CACNA1I: variants seen among roughly 807,000 people sequenced by gnomAD.
The protein encoded by CACNA1I is voltage-dependent T-type calcium channel subunit alpha-1I.
In CACNA1I, 74 loss-of-function variants were observed where a neutral mutation model predicts 201.6. The ratio of observed to expected loss-of-function variants is 0.37; its 90% CI spans 0.30 to 0.45. The LOEUF is 0.45. CACNA1I is among the 20% of genes least tolerant of loss of function. The pLI is 1.00. For missense variants in CACNA1I, 2,346 were observed against 3,138.1 expected (o/e 0.75, Z 6.03); for synonymous variants, 1,431 against 1,345.2 (o/e 1.06, Z -1.40).
intron 34 of CACNA1I, among the ~76,000 whole-genome samples, chr22:39,682,132 C>T (rs1339182148): frequency 6.6e-6 from 1 of 152,154 alleles, no homozygotes; most frequent in Non-Finnish European, 1.5e-5. Flanking sequence ...GCGTTACTCT[C>T]CTTGGATGCA....
chr22:39,620,638 A>G (rs1237774044), intron 4 of CACNA1I, among the ~76,000 whole-genome samples: 1 of 152,230 alleles, frequency 6.6e-6, no homozygotes, highest in Non-Finnish European at 1.5e-5. Context: ...GGAGTCAGTT[A>G]GGTCTTCTGA....
At chr22:39,679,931 C>T (rs1306014171) in intron 33 of CACNA1I, 63 bp downstream of exon 33, 39 of 1,520,932 alleles carry the variant, frequency 2.6e-5, no homozygotes, top group Non-Finnish European at 3.4e-5. Flanking sequence ...TGGTGGGGGG[C>T]CTGTCCGAGG....
chr22:39,594,524 T>G (rs1601802255), intron 1 of CACNA1I, among the ~76,000 whole-genome samples: 2 of 147,986 alleles, frequency 1.4e-5, no homozygotes, highest in African/African-American at 2.5e-5. Context: ...GGCGGGAGAG[T>G]GGCAGTGGGG....
chr22:39,595,665 G>A (rs377485479), intron 1 of CACNA1I, among the ~76,000 whole-genome samples: 19 of 151,866 alleles, frequency 1.3e-4, no homozygotes, highest in East Asian at 1.2e-3. Context: ...GATAATCAAA[G>A]TTATATGAAT....
At position 39,665,706 on chromosome 22, in the gene CACNA1I, A is replaced by C; in HGVS notation, c.3978+82A>C. 6.4e-7 allele frequency: 1 copy of C among 1,568,548 alleles called. No homozygotes were observed. The highest frequency in any genetic ancestry group is 8.7e-7 in the Non-Finnish European group (1 of 1,148,460). On this transcript the variant is annotated intron_variant, in intron 22 of 36. Transcript: ENST00000402142. The surrounding 1 kb of genome is among the most constrained non-coding windows in gnomAD (Gnocchi z 5.5). Reference sequence around the variant, plus strand: ...CTCAGACAGCCAGGGGAGAGACTCCACATTCCAACCTCATGCGCCTTGCCA... The same window carrying C: ...CTCAGACAGCCAGGGGAGAGACTCCCCATTCCAACCTCATGCGCCTTGCCA...
At chr22:39,613,898 C>T (rs939796948) in intron 3 of CACNA1I, among the ~76,000 whole-genome samples, 5 of 151,914 alleles carry the variant, frequency 3.3e-5, no homozygotes, top group East Asian at 1.9e-4. Context: ...AGTGCAGTGG[C>T]GCAATCTCAG....
chr22:39,658,351 T>C (rs370034787), intron 11 of CACNA1I, 48 bp downstream of exon 11: 40 of 1,577,472 alleles, frequency 2.5e-5, no homozygotes, highest in Non-Finnish European at 3.4e-5. Flanking sequence ...CGGGGGGACA[T>C]TTACTGCAAA....
At chr22:39,670,758 C>A in intron 25 of CACNA1I, 45 bp from the exon 26 acceptor site, 1 of 1,607,502 alleles carries the variant, frequency 6.2e-7, no homozygotes. Context: ...TTCCCTTGAC[C>A]CCAACCCTCT....
chr22:39,612,677 A>G (rs977252938), intron 3 of CACNA1I, among the ~76,000 whole-genome samples: 2 of 152,156 alleles, frequency 1.3e-5, no homozygotes, highest in Non-Finnish European at 2.9e-5. Flanking sequence ...AGGCCCTAAT[A>G]CCATCACCTT....
intron 4 of CACNA1I, among the ~76,000 whole-genome samples, chr22:39,634,074 A>G (rs1348628668): frequency 6.6e-6 from 1 of 152,200 alleles, no homozygotes; most frequent in African/African-American, 2.4e-5. Context: ...GGCCTCTGGG[A>G]CAAGGGGGTT....
chr22:39,587,389 G>C (rs986549855), intron 1 of CACNA1I, among the ~76,000 whole-genome samples: 1 of 152,180 alleles, frequency 6.6e-6, no homozygotes, highest in Non-Finnish European at 1.5e-5. Flanking sequence ...TAAGCGGAGG[G>C]AGGCCTGGGA....
chr22:39,664,989 A>T, intron 21 of CACNA1I, 66 bp downstream of exon 21: 1 of 1,491,882 alleles, frequency 6.7e-7, no homozygotes, highest in Non-Finnish European at 9.2e-7. Flanking sequence ...CACGGGTCGA[A>T]TTGGGCCCTC....
chr22:39,624,969 C>A (rs1290995851), intron 4 of CACNA1I, among the ~76,000 whole-genome samples: 2 of 142,178 alleles, frequency 1.4e-5, no homozygotes, highest in Non-Finnish European at 3.0e-5. Flanking sequence ...AGTGCAGTGG[C>A]ATGATCTTGG....
Position 39,662,778 on chromosome 22 carries a change from C to G in CACNA1I, c.3375C>G (p.Thr1125=). 6.3e-7 allele frequency: 1 copy of G among 1,578,792 alleles called. No homozygotes were observed. Residue 1125 remains threonine, a splice_region_variant and synonymous_variant, in exon 18 of 37, where the codon ACC becomes ACG. Transcript: ENST00000402142. ...GCGCTCCGTCCTCCTCTTGCTAGAC[C>G]CTGTGCTTCCGCGTCCGCAAGATGA... The part of the protein sequence containing the change: ...RGEDEEEIDY[T]LCFRVRKMID...
In CACNA1I at chr22:39,686,005, G is replaced by C; in HGVS notation, c.6272G>C (p.Gly2091Ala). The change falls in exon 37 of 37, where the codon GGC becomes GCC. Residue 2091 changes from glycine (G) to alanine (A), a missense_variant. Gly to Ala is a moderately conservative substitution (Grantham distance 60, BLOSUM62 0). Transcript: ENST00000402142. ...RAHQRSHSSG[G>A]STSPGCTHHD... ...CATCAGCGCAGCCACAGCAGCGGGGGCTCCACCAGCCCGGGCTGCACCCAC... is the reference window on the plus strand; with the variant it reads ...CATCAGCGCAGCCACAGCAGCGGGGCCTCCACCAGCCCGGGCTGCACCCAC... The C allele has an allele frequency of 1.6e-6, 2 of 1,244,592 alleles. No homozygotes were observed. The highest frequency in any genetic ancestry group is 2.0e-6 in the Non-Finnish European group (2 of 999,286). The allele number at this position is 1,244,592 out of a possible 1,614,324, so 77.1% of individuals were successfully genotyped here.
At chr22:39,616,340 C>G (rs1933535611) in intron 3 of CACNA1I, among the ~76,000 whole-genome samples, 1 of 152,154 alleles carries the variant, frequency 6.6e-6, no homozygotes, top group African/African-American at 2.4e-5. Context: ...GTGTTCAGAT[C>G]CTAAAGTTAC....
At chr22:39,661,340 C>T (rs376490928) in intron 16 of CACNA1I, 30 bp downstream of exon 16, 62 of 1,493,616 alleles carry the variant, frequency 4.2e-5, no homozygotes, top group Middle Eastern at 4.1e-4. Context: ...TCTGGACGGG[C>T]GCTTCCTGCT....
Position 39,673,098 on chromosome 22 carries a change from TG to T in CACNA1I, c.4783+19del. 1 of 1,426,636 alleles carries T rather than the reference TG, an allele frequency of 7.0e-7. No individual in the cohort carries two copies. The allele number at this position is 1,426,636 out of a possible 1,614,324, so 88.4% of individuals were successfully genotyped here. A position where few individuals can be genotyped will look rare whatever the true frequency, so the allele number is the denominator to read the frequency against. ...ATTGCCCGAGGTGAGGGGCAAGGGG[TG>T]GGACAGGGAACGGGGACAAGCAGGG... On this transcript the variant is annotated intron_variant, in intron 28 of 36. Coordinates refer to ENST00000402142, the MANE Select transcript of CACNA1I (RefSeq NM_021096.4).
chr22:39,597,163 T>A (rs1376870539), intron 1 of CACNA1I, among the ~76,000 whole-genome samples: 2 of 152,198 alleles, frequency 1.3e-5, no homozygotes, highest in African/African-American at 4.8e-5. Flanking sequence ...GCCCCAGGAC[T>A]CAGTCAACTG....
Sources: gnomAD v4.1 joint callset for allele counts (sites outside exome capture counted in the v4.1 genomes callset) on GRCh38, gnomAD v4.1.1 for gene constraint, Gnocchi (gnomAD v3.1) non-coding constraint, MANE v1.5 for transcripts, NCBI Gene and HGNC (gene_info 2026-07-23, HGNC 2026-07-21) for gene names.